Variants in HMGCL observed in about 807,000 individuals in gnomAD.
The protein encoded by HMGCL is hydroxymethylglutaryl-CoA lyase, mitochondrial.
Under a neutral mutation model 37.3 loss-of-function variants are expected in HMGCL, and 26 were observed. The ratio of observed to expected loss-of-function variants is 0.70; its 90% CI spans 0.51 to 0.97. The LOEUF (loss-of-function observed/expected upper bound fraction) is 0.97, where lower values mean the gene tolerates loss of function less well. Among genes scored for constraint, HMGCL ranks in the 50% least tolerant of loss-of-function variants. The probability of loss-of-function intolerance (pLI) is 0.00; values close to 1 mark genes in which losing one functional copy is unlikely to be tolerated. For synonymous variants in HMGCL, 151 were observed against 148.0 expected, an observed-to-expected ratio of 1.02 and a Z score of -0.15; for missense variants, 379 against 398.1, an observed-to-expected ratio of 0.95 and a Z score of 0.41.
chr1:23,823,100 CAGG>C (rs1431295610), intron 1 of HMGCL, among the ~76,000 whole-genome samples: 1 of 146,088 alleles, frequency 6.8e-6, no homozygotes, highest in East Asian at 2.0e-4. Flanking sequence ...TGCTTGAACC[CAGG>C]AGGAGGAGGT....
chr1:23,816,590 C>G (rs1434811989), intron 4 of HMGCL, 85 bp downstream of exon 4: 2 of 870,640 alleles, frequency 2.3e-6, no homozygotes, highest in Non-Finnish European at 2.0e-6. Flanking sequence ...CATCCCAGGA[C>G]AGGGGACTGA....
intron 2 of HMGCL, among the ~76,000 whole-genome samples, chr1:23,819,144 G>A (rs911640020): frequency 6.6e-6 from 1 of 151,038 alleles, no homozygotes; most frequent in African/African-American, 2.4e-5. Flanking sequence ...CAGTGATAAC[G>A]CTATTAACAC....
chr1:23,810,910 C>T (rs1638509077), intron 5 of HMGCL, 111 bp from the exon 6 acceptor site: 3 of 832,668 alleles, frequency 3.6e-6, no homozygotes, highest in South Asian at 2.8e-5. Context: ...TCAACACCTG[C>T]AGCTGGGCGG....
chr1:23,802,176 G>A lies in HMGCL; in HGVS notation c.*287C>T. On this transcript the variant is annotated 3_prime_UTR_variant, in exon 9 of 9. Coordinates refer to ENST00000374490, the MANE Select transcript of HMGCL (RefSeq NM_000191.3). Reference sequence around the variant, plus strand: ...CAAGGATCATGCTAAGTAGGGAACGGGGTTCCCACACGTCCTCAGGCATTC... The same window carrying A: ...CAAGGATCATGCTAAGTAGGGAACGAGGTTCCCACACGTCCTCAGGCATTC... 1 of 594,462 alleles carries A rather than the reference G, an allele frequency of 1.7e-6. No individual in the cohort carries two copies. The highest frequency in any genetic ancestry group is 2.1e-5 in the South Asian group (1 of 47,556). The allele number at this position is 594,462 out of a possible 1,614,324, so 36.8% of individuals were successfully genotyped here.
rs1570645382 is a variant in HMGCL at position 23,808,256 on chromosome 1, G to A, written c.629C>T (p.Thr210Ile). ...TAGCATGTCTTTCATGATCCCTGGG[G>A]TGCCCACACCAATGGTGTCCCCCAG... ...ISLGDTIGVG[T>I]PGIMKDMLSA... Residue 210 changes from threonine to isoleucine, a missense_variant, in exon 7 of 9, where the codon ACC becomes ATC. Coordinates refer to ENST00000374490, the MANE Select transcript of HMGCL (RefSeq NM_000191.3). 2 of 1,614,010 alleles carry A rather than the reference G, an allele frequency of 1.2e-6. No individual in the cohort carries two copies. Among genetic ancestry groups the A allele is most frequent in the East Asian group, 2.2e-5 (1 of 44,886 alleles).
At chr1:23,804,875 T>TTC (rs1557486142) in intron 7 of HMGCL, among the ~76,000 whole-genome samples, 2 of 113,912 alleles carry the variant, frequency 1.8e-5, no homozygotes, top group Admixed American at 8.4e-5. Flanking sequence ...ATTCATTTAT[T>TTC]ACCCCCCCCC....
In HMGCL at chr1:23,806,657, T is replaced by C; in HGVS notation, c.750+1478A>G. 2 of 306,254 alleles carry C rather than the reference T, an allele frequency of 6.5e-6. No homozygotes were observed. Among genetic ancestry groups the C allele is most frequent in the Middle Eastern group, 1.2e-3 (1 of 856 alleles). The allele number at this position is 306,254 out of a possible 1,614,324, so 19.0% of individuals were successfully genotyped here. A position where few individuals can be genotyped will look rare whatever the true frequency, so the allele number is the denominator to read the frequency against. ...CTTCATTTTTTCTCCACAGTGTTTA[T>C]GAACACCTGGCCTGCTGTATGTTTG... On this transcript the variant is annotated intron_variant, in intron 7 of 8. Coordinates refer to ENST00000374490, the MANE Select transcript of HMGCL (RefSeq NM_000191.3). This position sits in a 1 kb window ranked among gnomAD's most constrained non-coding sequence, Gnocchi z 4.0.
In HMGCL at chr1:23,808,290, C is replaced by T. The variant is rs149526487; in HGVS notation, c.595G>A (p.Glu199Lys). 3 of 1,613,938 alleles carry T rather than the reference C, an allele frequency of 1.9e-6. No individual in the cohort carries two copies. Among genetic ancestry groups the T allele is most frequent in the South Asian group, 2.2e-5 (2 of 91,080 alleles). ...TKKFYSMGCY[E>K]ISLGDTIGVG... The stretch of plus-strand genomic sequence containing the variant: ...CCAATGGTGTCCCCCAGGGAGATCT[C>T]GTAGCAGCCCATTGAGTAGAACTTC... The change falls in exon 7 of 9, where the codon GAG becomes AAG. Residue 199 changes from glutamate to lysine, a missense_variant. Transcript: ENST00000374490.
At chr1:23,824,631 G>A (rs74063306) in intron 1 of HMGCL, among the ~76,000 whole-genome samples, 4,016 of 152,234 alleles carry the variant, frequency 0.026, 184 homozygotes, top group African/African-American at 0.087. Flanking sequence ...AACACTGCCA[G>A]ATGTGTTACT....
chr1:23,816,439 T>C, intron 4 of HMGCL: 1 of 578,688 alleles, frequency 1.7e-6, no homozygotes, highest in East Asian at 3.0e-5. Context: ...ATGCATCCTA[T>C]CTTCTGAAAT....
chr1:23,807,999 AC>A, intron 7 of HMGCL, 135 bp downstream of exon 7: 1 of 771,952 alleles, frequency 1.3e-6, no homozygotes, highest in Non-Finnish European at 2.2e-6. Context: ...GGGCAGGGTC[AC>A]CATGACTGTG....
At chr1:23,824,990 A>C (rs557025537) in intron 1 of HMGCL, among the ~76,000 whole-genome samples, 1 of 152,348 alleles carries the variant, frequency 6.6e-6, no homozygotes, top group African/African-American at 2.4e-5. Context: ...ATGGAGACGA[A>C]GGAAATGGAA....
intron 2 of HMGCL, among the ~76,000 whole-genome samples, chr1:23,819,773 GCA>G (rs998470516): frequency 2.6e-5 from 4 of 151,908 alleles, no homozygotes; most frequent in Admixed American, 1.3e-4. Context: ...ACGCGCACAT[GCA>G]CTATTTGTTT....
rs1638421054 is a variant in HMGCL at position 23,806,971 on chromosome 1, C to A, written c.750+1164G>T. The A allele has an allele frequency of 1.9e-6, 1 of 518,886 alleles. No individual in the cohort carries two copies. Among genetic ancestry groups the A allele is most frequent in the African/African-American group, 1.9e-5 (1 of 52,076 alleles). 32.1% of individuals were successfully genotyped at this position (518,886 alleles called of 1,614,324 possible). On this transcript the variant is annotated intron_variant, in intron 7 of 8. Transcript: ENST00000374490. The surrounding 1 kb of genome is among the most constrained non-coding windows in gnomAD (Gnocchi z 4.0). ...TAACCTGGCACATCGATCCATATTT[C>A]CGAAGTAACTGATGGAAGAGGGAGG...
In HMGCL at chr1:23,808,150, G is replaced by T. The variant is rs202074025; in HGVS notation, c.735C>A (p.Thr245=). Residue 245 remains threonine, a synonymous_variant, in exon 7 of 9, where the codon ACC becomes ACA. Transcript: ENST00000374490. The stretch of plus-strand genomic sequence containing the variant: ...TTTTGATTACCTGCAGGGCCATCAA[G>T]GTGTTGGCCAGGGCTTGACCATAGG... The part of the protein sequence containing the change: ...HDTYGQALAN[T]LMALQMGVSV... 2.7e-5 allele frequency: 43 copies of T among 1,614,000 alleles called. No homozygotes were observed. In the Admixed American group the frequency reaches 6.7e-4, roughly 25 times the overall value.
chr1:23,817,212 A>G (rs1050143679), intron 3 of HMGCL, among the ~76,000 whole-genome samples: 2 of 152,334 alleles, frequency 1.3e-5, no homozygotes, highest in Admixed American at 1.3e-4. Flanking sequence ...TTTAGACTTT[A>G]GGGCTAGAAG....
chr1:23,824,484 C>T (rs1638780378), intron 1 of HMGCL, among the ~76,000 whole-genome samples: 1 of 152,108 alleles, frequency 6.6e-6, no homozygotes, highest in South Asian at 2.1e-4. Context: ...GGTGAATGGC[C>T]AAGTAAAGAT....
intron 3 of HMGCL, 80 bp downstream of exon 3, chr1:23,817,396 T>C: frequency 1.2e-6 from 1 of 836,924 alleles, no homozygotes; most frequent in Non-Finnish European, 2.1e-6. Context: ...ACCTATGTTC[T>C]CAACTTCTAC....
chr1:23,807,192 GCA>G (rs747625881), intron 7 of HMGCL: 2 of 518,928 alleles, frequency 3.9e-6, no homozygotes, highest in African/African-American at 3.8e-5. Flanking sequence ...GCCTGGCAAG[GCA>G]TAGGAGAGGA....
Sources: allele counts gnomAD v4.1 joint callset (sites outside exome capture counted in the v4.1 genomes callset), GRCh38; gene constraint gnomAD v4.1.1; non-coding constraint Gnocchi (gnomAD v3.1); transcripts MANE v1.5; gene names NCBI Gene and HGNC (gene_info 2026-07-23, HGNC 2026-07-21).